Variants in ARHGEF4 observed in about 807,000 individuals in gnomAD.
ARHGEF4 encodes the protein Rho guanine nucleotide exchange factor 4.
In ARHGEF4, 119 loss-of-function variants were observed where a neutral mutation model predicts 162.0. The observed-to-expected ratio is 0.73, with a 90% CI of 0.63 to 0.86. The LOEUF is 0.86. ARHGEF4 is among the 40% of genes least tolerant of loss of function. The pLI, the probability that ARHGEF4 is intolerant of heterozygous loss-of-function variation, is 0.00. For synonymous variants in ARHGEF4, 1,014 were observed against 979.9 expected (o/e 1.03, Z -0.65); for missense variants, 2,488 against 2,456.0 (o/e 1.01, Z -0.28).
chr2:130,992,572 G>GTT (rs759828037), intron 4 of ARHGEF4, among the ~76,000 whole-genome samples: 3 of 151,892 alleles, frequency 2.0e-5, no homozygotes, highest in Non-Finnish European at 2.9e-5. Flanking sequence ...AAGAAACTCC[G>GTT]AACCTATCCG....
At chr2:130,946,683 T>C in intron 4 of ARHGEF4, 48 bp downstream of exon 4, 1 of 1,610,012 alleles carries the variant, frequency 6.2e-7, no homozygotes, top group Non-Finnish European at 8.5e-7. Flanking sequence ...GATCCTGGCA[T>C]GAAGGACAAG....
At chr2:130,967,005 G>A (rs1316634712) in intron 4 of ARHGEF4, among the ~76,000 whole-genome samples, 1 of 152,154 alleles carries the variant, frequency 6.6e-6, no homozygotes, top group African/African-American at 2.4e-5. Flanking sequence ...GTAAGGGATC[G>A]TCAGCACAGC....
At chr2:130,982,739 A>G (rs1020686431) in intron 4 of ARHGEF4, among the ~76,000 whole-genome samples, 1 of 152,058 alleles carries the variant, frequency 6.6e-6, no homozygotes, top group African/African-American at 2.4e-5. Flanking sequence ...CATATATATA[A>G]CTTTTTTCAC....
chr2:130,951,821 T>A (rs951987000), intron 4 of ARHGEF4, among the ~76,000 whole-genome samples: 6 of 152,174 alleles, frequency 3.9e-5, no homozygotes, highest in Non-Finnish European at 7.3e-5. Context: ...ATAGCTCTAT[T>A]CCCTTCCCCC....
chr2:130,911,175 C>G (rs1681160435), intron 1 of ARHGEF4, among the ~76,000 whole-genome samples: 1 of 152,168 alleles, frequency 6.6e-6, no homozygotes. Flanking sequence ...CAACACCATC[C>G]TCCCCTCCTG....
intron 1 of ARHGEF4, among the ~76,000 whole-genome samples, chr2:130,887,844 T>C (rs886469869): frequency 1.3e-5 from 2 of 152,078 alleles, no homozygotes; most frequent in Non-Finnish European, 2.9e-5. Flanking sequence ...GGAAGGAGGA[T>C]GGAGGACCAC....
intron 4 of ARHGEF4, among the ~76,000 whole-genome samples, chr2:131,022,238 T>C (rs1190420133): frequency 6.6e-6 from 1 of 152,174 alleles, no homozygotes; most frequent in Non-Finnish European, 1.5e-5. Flanking sequence ...GATTATACTT[T>C]AAATATTTGG....
At chr2:130,896,094 C>G (rs945923695) in intron 1 of ARHGEF4, among the ~76,000 whole-genome samples, 1 of 151,868 alleles carries the variant, frequency 6.6e-6, no homozygotes, top group African/African-American at 2.4e-5. Context: ...GTTACAGTTC[C>G]AGTATTATTT....
chr2:131,046,196 C>T lies in ARHGEF4; in HGVS notation c.*7C>T. 1 of 1,605,964 alleles carries T rather than the reference C, an allele frequency of 6.2e-7. No homozygotes were observed. Among genetic ancestry groups the T allele is most frequent in the Non-Finnish European group, 8.5e-7 (1 of 1,174,962 alleles). The stretch of plus-strand genomic sequence containing the variant: ...GGCACCCTTCCGCAAGTGAACTGGT[C>T]CCTGCCTGACAGCACCTGCTGGGCC... On this transcript the variant is annotated 3_prime_UTR_variant, in exon 14 of 14. Transcript: ENST00000409359.
chr2:130,847,220 C>T (rs1355551054), intron 1 of ARHGEF4, among the ~76,000 whole-genome samples: 1 of 152,220 alleles, frequency 6.6e-6, no homozygotes, highest in African/African-American at 2.4e-5. Context: ...CTGGCCTTTC[C>T]GGACACTGCT....
rs2105059459 is a variant in ARHGEF4, at chr2:130,917,007, G to A, written c.3061G>A (p.Glu1021Lys). The change falls in exon 2 of 14, where the codon GAA (glutamate) becomes AAA (lysine). Residue 1021 changes from glutamate to lysine, a missense_variant. Around this residue, in one of 6 missense-constraint regions of ARHGEF4, gnomAD observed 1,642 missense variants for 1,481.5 expected, o/e 1.11. Transcript: ENST00000409359. ...TTTGTCCTCCAGTTTAGTTTCTCCA[G>A]AACACAGGAGGAAAAGTGAACCGAC... ...TPLSSSLVSP[E>K]HRRKSEPTIK... is the part of the protein sequence containing the mutation. 2 of 1,550,944 alleles carry A rather than the reference G, an allele frequency of 1.3e-6. No homozygotes were observed. Among genetic ancestry groups the A allele is most frequent in the East Asian group, 2.4e-5 (1 of 40,904 alleles).
At chr2:131,019,515 C>T (rs1228170202) in intron 4 of ARHGEF4, among the ~76,000 whole-genome samples, 1 of 149,112 alleles carries the variant, frequency 6.7e-6, no homozygotes, top group Admixed American at 6.7e-5. Context: ...AATTTATGAA[C>T]ATGGGACGTC....
At chr2:130,887,068 G>A (rs968406439) in intron 1 of ARHGEF4, among the ~76,000 whole-genome samples, 1 of 151,988 alleles carries the variant, frequency 6.6e-6, no homozygotes, top group African/African-American at 2.4e-5. Context: ...AAATCAGGCA[G>A]TGTAGTTTCC....
chr2:131,009,121 T>C (rs2105328640), intron 4 of ARHGEF4, among the ~76,000 whole-genome samples: 1 of 152,330 alleles, frequency 6.6e-6, no homozygotes, highest in South Asian at 2.1e-4. Context: ...TTCATTTTTC[T>C]TTTTTTGGAC....
intron 4 of ARHGEF4, among the ~76,000 whole-genome samples, chr2:131,007,099 G>A (rs796394029): frequency 1.7e-4 from 26 of 152,324 alleles, no homozygotes; most frequent in African/African-American, 5.8e-4. Flanking sequence ...GAGTAAAGGC[G>A]TTTGTCATGG....
Position 130,917,287 on chromosome 2 carries a change from C to T in ARHGEF4, c.3341C>T (p.Ala1114Val), listed in dbSNP as rs1358071260. Residue 1114 changes from alanine to valine, a missense_variant, in exon 2 of 14, where the codon GCC (alanine) becomes GTC (valine). Coordinates refer to ENST00000409359, the MANE Select transcript of ARHGEF4 (RefSeq NM_001367493.1). ...CTCCACTACCCCGGGAGGGGTAGCG[C>T]CATCTCCATGGTTTCTCTTGGAAGC... ...MGLHYPGRGSAISMVSLGSYS... is the reference protein window; with the variant it reads ...MGLHYPGRGSVISMVSLGSYS... 2 of 1,550,546 alleles carry T rather than the reference C, an allele frequency of 1.3e-6. No individual in the cohort carries two copies. Among genetic ancestry groups the T allele is most frequent in the South Asian group, 2.4e-5 (2 of 84,060 alleles).
chr2:131,044,175 G>A (rs61318464), intron 11 of ARHGEF4, 124 bp from the exon 12 acceptor site: 1 of 1,403,354 alleles, frequency 7.1e-7, no homozygotes, highest in African/African-American at 1.4e-5. Flanking sequence ...GGATCTCACT[G>A]TCTGCTGGGG....
intron 4 of ARHGEF4, among the ~76,000 whole-genome samples, chr2:130,991,242 G>A (rs1686933288): frequency 6.6e-6 from 1 of 152,256 alleles, no homozygotes; most frequent in East Asian, 1.9e-4. Context: ...ATACTAGACC[G>A]AAAACCTGCT....
At chr2:130,872,598 A>G (rs1444035139) in intron 1 of ARHGEF4, among the ~76,000 whole-genome samples, 3 of 152,144 alleles carry the variant, frequency 2.0e-5, no homozygotes, top group Non-Finnish European at 4.4e-5. Flanking sequence ...ACTGCTGGCA[A>G]GTTCTTTTGT....
Sources: allele counts gnomAD v4.1 joint callset (sites outside exome capture counted in the v4.1 genomes callset), GRCh38; gene constraint gnomAD v4.1.1; regional missense constraint gnomAD v4.1.1; transcripts MANE v1.5; gene names NCBI Gene and HGNC (gene_info 2026-07-23, HGNC 2026-07-21).